PER2: variants seen among roughly 807,000 people sequenced by gnomAD.
PER2 encodes period circadian protein homolog 2.
A neutral mutation model predicts 121.0 loss-of-function variants in PER2; 66 were observed. The observed-to-expected ratio is 0.55, with a 90% CI of 0.45 to 0.67. The LOEUF (loss-of-function observed/expected upper bound fraction) is 0.67, where lower values mean the gene tolerates loss of function less well. Among genes scored for constraint, PER2 ranks in the 30% least tolerant of loss-of-function variants. The pLI is 0.00. For missense variants in PER2, 1,521 were observed against 1,635.0 expected (o/e 0.93, Z 1.20); for synonymous variants, 684 against 659.9 (o/e 1.04, Z -0.56).
chr2:238,263,811 C>T (rs1015762101), intron 9 of PER2, among the ~76,000 whole-genome samples: 4 of 152,114 alleles, frequency 2.6e-5, no homozygotes, highest in Non-Finnish European at 5.9e-5. Flanking sequence ...AAGGGCCTGG[C>T]GTTATTCTTT....
At chr2:238,251,831 G>T in intron 19 of PER2, 70 bp from the exon 20 acceptor site, 1 of 1,002,424 alleles carries the variant, frequency 1.0e-6, no homozygotes. Flanking sequence ...AGCGGGGTGG[G>T]GGTGGGGGGC....
chr2:238,275,894 G>A lies in PER2; in HGVS notation c.297C>T (p.Ser99=), dbSNP rs149161458. 17 of 1,614,056 alleles carry A rather than the reference G, an allele frequency of 1.1e-5. No individual in the cohort carries two copies. The African/African-American group carries it at 1.1e-4, about 10-fold the overall frequency. Residue 99 remains serine, a synonymous_variant, in exon 4 of 23, where the codon AGC becomes AGT. Coordinates refer to ENST00000254657, the MANE Select transcript of PER2 (RefSeq NM_022817.3). ...GTGTGTCCACTTTCGAAGACTGGTC[G>A]CTACTGCAGGATTCAAGAAAGAGGC... ...EHNPSTSGCS[S]DQSSKVDTHK...
chr2:238,271,662 A>G, intron 5 of PER2, 149 bp from the exon 6 acceptor site: 1 of 685,312 alleles, frequency 1.5e-6, no homozygotes, highest in East Asian at 2.7e-5. Context: ...TCACCAAAAA[A>G]TCCTATCTTG....
chr2:238,264,205 G>C (rs557478641), intron 9 of PER2, among the ~76,000 whole-genome samples: 74 of 152,346 alleles, frequency 4.9e-4, no homozygotes, highest in African/African-American at 1.7e-3. Context: ...GAGTGGGTTA[G>C]AGACAGTTCT....
At chr2:238,284,368 G>C (rs1049537331) in intron 1 of PER2, among the ~76,000 whole-genome samples, 1 of 151,424 alleles carries the variant, frequency 6.6e-6, no homozygotes, top group Non-Finnish European at 1.5e-5. Flanking sequence ...CTTGAACCCA[G>C]GAGGTGGAGG....
At chr2:238,259,876 G>T in intron 14 of PER2, 93 bp downstream of exon 14, 1 of 705,490 alleles carries the variant, frequency 1.4e-6, no homozygotes, top group Non-Finnish European at 2.6e-6. Context: ...TAGACTCCCT[G>T]CCAGCCAGAG....
Position 238,249,079 on chromosome 2 carries a change from C to A in PER2, c.3601G>T (p.Ala1201Ser), listed in dbSNP as rs566173372. The part of the protein sequence containing the change: ...HQWMQTGGLP[A>S]AIDVAECVYC... ...GAGCTTACTGCCACGTCGATGGCTGCGGGCAGGCCGCCCGTCTGCATCCAC... is the reference window on the plus strand; with the variant it reads ...GAGCTTACTGCCACGTCGATGGCTGAGGGCAGGCCGCCCGTCTGCATCCAC... Residue 1201 changes from alanine to serine, a missense_variant, in exon 22 of 23, where the codon GCA (alanine) becomes TCA (serine). Physicochemically the swap from Ala to Ser is moderately conservative, Grantham distance 99. Transcript: ENST00000254657. 3.1e-6 allele frequency: 5 copies of A among 1,614,110 alleles called. No homozygotes were observed. The highest frequency in any genetic ancestry group is 4.2e-6 in the Non-Finnish European group (5 of 1,180,002).
chr2:238,276,581 T>C (rs1186679804), intron 3 of PER2, among the ~76,000 whole-genome samples: 1 of 152,220 alleles, frequency 6.6e-6, no homozygotes, highest in Admixed American at 6.5e-5. Flanking sequence ...AAGTGAGCCA[T>C]GAACACAGAG....
chr2:238,293,229 G>A (rs544330540), upstream of PER2, among the ~76,000 whole-genome samples: 40 of 151,842 alleles, frequency 2.6e-4, no homozygotes, highest in African/African-American at 9.4e-4. Context: ...CTTCATTATT[G>A]TATCCTAAGA....
At chr2:238,294,821 G>A (rs115316818), upstream of PER2, among the ~76,000 whole-genome samples, 533 of 152,326 alleles carry the variant, frequency 3.5e-3, 7 homozygotes, top group African/African-American at 0.012. Context: ...AAGCTCCAAC[G>A]TGCCTCTCGT....
chr2:238,274,374 G>C (rs551872886), intron 4 of PER2, among the ~76,000 whole-genome samples: 1 of 152,246 alleles, frequency 6.6e-6, no homozygotes, highest in Non-Finnish European at 1.5e-5. Flanking sequence ...ATTCTGCCAC[G>C]CGTGTGCTTC....
At chr2:238,250,493 C>T in intron 21 of PER2, 58 bp downstream of exon 21, 1 of 1,246,632 alleles carries the variant, frequency 8.0e-7, no homozygotes, top group Non-Finnish European at 1.2e-6. Flanking sequence ...CTTGTTGTTT[C>T]TGGGAGCTCC....
intron 19 of PER2, among the ~76,000 whole-genome samples, 198 bp from the exon 20 acceptor site, chr2:238,251,959 C>G (rs1695617047): frequency 6.6e-6 from 1 of 152,178 alleles, no homozygotes; most frequent in Non-Finnish European, 1.5e-5. Flanking sequence ...TCCACTGATG[C>G]TCTATGGATG....
intron 8 of PER2, 150 bp from the exon 9 acceptor site, chr2:238,265,740 C>T (rs1696072992): frequency 1.6e-6 from 1 of 636,356 alleles, no homozygotes; most frequent in African/African-American, 1.8e-5. Context: ...ACAGAGACTG[C>T]CACACTGAGA....
chr2:238,261,152 C>T (rs1695916935), intron 12 of PER2, among the ~76,000 whole-genome samples, 199 bp from the exon 13 acceptor site: 1 of 152,232 alleles, frequency 6.6e-6, no homozygotes, highest in South Asian at 2.1e-4. Flanking sequence ...GGTGCCCCGA[C>T]CCAGACATGC....
chr2:238,257,035 A>T lies in PER2; in HGVS notation c.1952T>A (p.Leu651Gln). Residue 651 changes from leucine to glutamine, a missense_variant, in exon 17 of 23, where the codon CTG (leucine) becomes CAG (glutamine). Physicochemically the swap from Leu to Gln is moderately radical, Grantham distance 113. Transcript: ENST00000254657. ...CTTGCCCGGCAGTGCCAGCGAGGTC[A>T]GGTGCGTACCTACTCCCGTGCGGCT... is the stretch of plus-strand genomic sequence containing the variant. ...VNSRTGVGTH[L>Q]TSLALPGKAE... is the part of the protein sequence containing the mutation. 6.2e-7 allele frequency: 1 copy of T among 1,613,436 alleles called. No individual in the cohort carries two copies. Among genetic ancestry groups the T allele is most frequent in the Non-Finnish European group, 8.5e-7 (1 of 1,179,882 alleles).
chr2:238,267,397 G>A (rs1294754616), intron 8 of PER2, among the ~76,000 whole-genome samples: 2 of 152,238 alleles, frequency 1.3e-5, no homozygotes, highest in African/African-American at 4.8e-5. Context: ...GACCAAGAGG[G>A]TCAAGGTGAG....
upstream of PER2, among the ~76,000 whole-genome samples, chr2:238,290,419 G>A (rs1019893778): frequency 5.3e-5 from 8 of 151,998 alleles, no homozygotes; most frequent in African/African-American, 1.9e-4. Flanking sequence ...CATTGTTCTG[G>A]AAACAAGAGT....
At chr2:238,293,950 T>C (rs531985985), upstream of PER2, among the ~76,000 whole-genome samples, 9 of 152,124 alleles carry the variant, frequency 5.9e-5, no homozygotes, top group South Asian at 1.7e-3. Context: ...TGAGTTTCTT[T>C]CCAGGGCTTC....
Sources: allele counts gnomAD v4.1 joint callset (sites outside exome capture counted in the v4.1 genomes callset), GRCh38; gene constraint gnomAD v4.1.1; transcripts MANE v1.5; gene names NCBI Gene and HGNC (gene_info 2026-07-23, HGNC 2026-07-21).